GLP1R: variants seen among roughly 807,000 people sequenced by gnomAD.
The protein encoded by GLP1R is glucagon-like peptide 1 receptor.
GLP1R carries 32 observed loss-of-function variants against 68.4 expected under a neutral mutation model. The observed-to-expected ratio is 0.47, with a 90% confidence interval of 0.35 to 0.63. GLP1R has a LOEUF of 0.63. Ranked by LOEUF, GLP1R falls within the 20% of genes least tolerant of loss-of-function variation. GLP1R has a pLI of 0.00. For synonymous variants in GLP1R, 263 were observed against 244.4 expected (o/e 1.08, Z -0.71); for missense variants, 502 against 594.9 (o/e 0.84, Z 1.62).
At chr6:39,050,576 A>T (rs560775501) in intron 1 of GLP1R, among the ~76,000 whole-genome samples, 41 of 152,170 alleles carry the variant, frequency 2.7e-4, no homozygotes, top group African/African-American at 9.6e-4. Flanking sequence ...ATAGGAGGGG[A>T]CAGGTCCTAG....
At chr6:39,078,242 G>A in intron 7 of GLP1R, 80 bp from the exon 8 acceptor site, 1 of 993,952 alleles carries the variant, frequency 1.0e-6, no homozygotes, top group Admixed American at 1.7e-5. Flanking sequence ...AGGGGCTTGG[G>A]GCAGGGAGAG....
intron 12 of GLP1R, among the ~76,000 whole-genome samples, chr6:39,084,491 C>G (rs1769093802): frequency 6.6e-6 from 1 of 152,184 alleles, no homozygotes; most frequent in Non-Finnish European, 1.5e-5. Flanking sequence ...CTTTCCCCCC[C>G]TCTCCAGCGG....
At chr6:39,069,484 T>C (rs1583632485) in intron 5 of GLP1R, among the ~76,000 whole-genome samples, 1 of 151,956 alleles carries the variant, frequency 6.6e-6, no homozygotes, top group South Asian at 2.1e-4. Flanking sequence ...ATACAAAAAA[T>C]TAGCTGGGTG....
At chr6:39,051,895 G>A (rs1288010045) in intron 1 of GLP1R, among the ~76,000 whole-genome samples, 2 of 126,968 alleles carry the variant, frequency 1.6e-5, no homozygotes. Flanking sequence ...GTGTGTGTGT[G>A]GGGGGGGGGG....
At chr6:39,080,932 C>T (rs10305500) in intron 12 of GLP1R, among the ~76,000 whole-genome samples, 193 bp downstream of exon 12, 3,397 of 152,104 alleles carry the variant, frequency 0.022, 89 homozygotes, top group South Asian at 0.076. Flanking sequence ...CACATGAACA[C>T]ACACACACAA....
chr6:39,056,883 G>A (rs568704508), intron 2 of GLP1R, among the ~76,000 whole-genome samples: 13 of 152,234 alleles, frequency 8.5e-5, no homozygotes, highest in African/African-American at 2.4e-4. Flanking sequence ...GCAGGCACCC[G>A]GCCTTTCCAT....
At position 39,072,877 on chromosome 6, in the gene GLP1R, C is replaced by G; in HGVS notation, c.525C>G (p.Thr175=). ...TCTCCCTCAGACACCTGCACTGCAC[C>G]AGGAACTACATCCACCTGAACCTGT... ...ILLGFRHLHC[T]RNYIHLNLFA... is the part of the protein sequence containing the mutation. Residue 175 remains threonine, a synonymous_variant, in exon 6 of 13, where the codon ACC becomes ACG. Transcript: ENST00000373256. 1 of 1,614,000 alleles carries G rather than the reference C, an allele frequency of 6.2e-7. No individual in the cohort carries two copies. The highest frequency in any genetic ancestry group is 2.2e-5 in the East Asian group (1 of 44,886).
At chr6:39,068,109 T>A in intron 5 of GLP1R, among the ~76,000 whole-genome samples, 1 of 152,048 alleles carries the variant, frequency 6.6e-6, no homozygotes, top group Admixed American at 6.5e-5. Flanking sequence ...TGGAAAAAAA[T>A]AAAGAATTAA....
At chr6:39,077,125 G>A (rs538037855) in intron 7 of GLP1R, among the ~76,000 whole-genome samples, 3 of 152,194 alleles carry the variant, frequency 2.0e-5, no homozygotes, top group Non-Finnish European at 4.4e-5. Context: ...TGCAATCTCG[G>A]TTCAACTTAG....
At chr6:39,067,490 A>T (rs1179456981) in intron 5 of GLP1R, among the ~76,000 whole-genome samples, 2 of 152,164 alleles carry the variant, frequency 1.3e-5, no homozygotes, top group Non-Finnish European at 2.9e-5. Context: ...AATGGGTGAA[A>T]AGCTCTCACA....
chr6:39,079,556 C>A lies in GLP1R; in HGVS notation c.1044-8C>A. 6.3e-7 allele frequency: 1 copy of A among 1,584,564 alleles called. No homozygotes were observed. ...AGAATGACTCGAGATCTCTGCCCTG[C>A]CCCTCAGACTTGCCAAGTCCACGCT... On this transcript the variant is annotated splice_polypyrimidine_tract_variant and splice_region_variant and intron_variant, in intron 10 of 12. Transcript: ENST00000373256. The surrounding 1 kb of genome is among the most constrained non-coding windows in gnomAD (Gnocchi z 4.5).
At chr6:39,068,993 T>C (rs1407557018) in intron 5 of GLP1R, among the ~76,000 whole-genome samples, 2 of 152,244 alleles carry the variant, frequency 1.3e-5, no homozygotes, top group African/African-American at 4.8e-5. Context: ...TCCAAATCTT[T>C]AAGTTCTCCT....
chr6:39,084,780 T>A (rs965543442), intron 12 of GLP1R, among the ~76,000 whole-genome samples: 2 of 152,166 alleles, frequency 1.3e-5, no homozygotes, highest in Non-Finnish European at 2.9e-5. Context: ...AAATGTTCTT[T>A]TAAGGGATGG....
chr6:39,075,386 G>C (rs1007741255), intron 7 of GLP1R, among the ~76,000 whole-genome samples: 15 of 152,206 alleles, frequency 9.9e-5, no homozygotes, highest in African/African-American at 3.6e-4. Context: ...AGCGCTGTTA[G>C]TGCCTGTCAC....
chr6:39,071,251 C>T (rs756530574), intron 5 of GLP1R, among the ~76,000 whole-genome samples: 18 of 144,356 alleles, frequency 1.2e-4, no homozygotes, highest in South Asian at 4.5e-4. Context: ...GAGGCTGAGG[C>T]GGGAGAATCA....
chr6:39,065,491 T>A (rs1481045952), intron 3 of GLP1R, among the ~76,000 whole-genome samples: 2 of 152,152 alleles, frequency 1.3e-5, no homozygotes, highest in African/African-American at 4.8e-5. Flanking sequence ...TGGCCCCCTG[T>A]CTTGTCCCTG....
At chr6:39,071,497 A>G (rs533440376) in intron 5 of GLP1R, among the ~76,000 whole-genome samples, 57 of 152,044 alleles carry the variant, frequency 3.7e-4, no homozygotes, top group Admixed American at 7.2e-4. Flanking sequence ...CATATTGCGT[A>G]TGATATAAAT....
intron 3 of GLP1R, among the ~76,000 whole-genome samples, chr6:39,064,227 A>T (rs888825275): frequency 1.3e-5 from 2 of 151,586 alleles, no homozygotes; most frequent in Non-Finnish European, 2.9e-5. Flanking sequence ...CTGGTCTCGA[A>T]CTCTTGAGCT....
chr6:39,055,319 A>C (rs1354367777), intron 1 of GLP1R, among the ~76,000 whole-genome samples: 1 of 152,254 alleles, frequency 6.6e-6, no homozygotes, highest in African/African-American at 2.4e-5. Context: ...TGGGTCCTAC[A>C]TTTTATACAT....
Sources: gnomAD v4.1 joint callset for allele counts (sites outside exome capture counted in the v4.1 genomes callset) on GRCh38, gnomAD v4.1.1 for gene constraint, Gnocchi (gnomAD v3.1) non-coding constraint, MANE v1.5 for transcripts, NCBI Gene and HGNC (gene_info 2026-07-23, HGNC 2026-07-21) for gene names.